Variants in SDK1 observed in about 807,000 individuals in gnomAD.
SDK1 encodes sidekick cell adhesion molecule 1.
SDK1 carries 157 observed loss-of-function variants against 245.5 expected under a neutral mutation model. The observed-to-expected ratio is 0.64, with a 90% CI of 0.56 to 0.73. The LOEUF is 0.73. Among genes scored for constraint, SDK1 ranks in the 30% least tolerant of loss-of-function variants. The pLI is 0.00. For missense variants in SDK1, 3,583 were observed against 3,002.3 expected (o/e 1.19, Z -4.52); for synonymous variants, 1,647 against 1,278.5 (o/e 1.29, Z -6.15).
chr7:3,475,538 C>T (rs183562832), intron 1 of SDK1, among the ~76,000 whole-genome samples: 4 of 152,298 alleles, frequency 2.6e-5, no homozygotes, highest in Admixed American at 6.5e-5. Context: ...TTTCCTCTAA[C>T]GTCTTTTCTA....
intron 4 of SDK1, among the ~76,000 whole-genome samples, chr7:3,741,183 G>C (rs1267045144): frequency 1.3e-5 from 2 of 152,218 alleles, no homozygotes; most frequent in Admixed American, 1.3e-4. Flanking sequence ...AAATATGTCA[G>C]AGAGCTTGCT....
chr7:4,032,216 C>A (rs1404287681), intron 17 of SDK1, among the ~76,000 whole-genome samples: 3 of 152,136 alleles, frequency 2.0e-5, no homozygotes, highest in Non-Finnish European at 4.4e-5. Flanking sequence ...TCCAACAGTA[C>A]ATTTAAAACA....
At chr7:3,468,319 C>T (rs1279926800) in intron 1 of SDK1, among the ~76,000 whole-genome samples, 2 of 152,110 alleles carry the variant, frequency 1.3e-5, no homozygotes, top group African/African-American at 2.4e-5. Context: ...TGTTGGGACT[C>T]AGAAAATATC....
In SDK1 at chr7:4,268,322, C is replaced by T; in HGVS notation, c.*2938C>T. The stretch of plus-strand genomic sequence containing the variant: ...GGGGTGCCAGGGCAGAGATTCCAGG[C>T]AGGTGAGCCCAGAGAGAGCTGCCAG... On this transcript the variant is annotated 3_prime_UTR_variant, in exon 45 of 45. Transcript: ENST00000404826. The T allele has an allele frequency of 1.9e-6, 2 of 1,030,240 alleles. No homozygotes were observed. The highest frequency in any genetic ancestry group is 1.2e-6 in the Non-Finnish European group (1 of 856,404). The allele number at this position is 1,030,240 out of a possible 1,614,324, so 63.8% of individuals were successfully genotyped here. A position where few individuals can be genotyped will look rare whatever the true frequency, so the allele number is the denominator to read the frequency against.
At chr7:3,713,878 C>T (rs374706637) in intron 4 of SDK1, among the ~76,000 whole-genome samples, 25 of 152,198 alleles carry the variant, frequency 1.6e-4, no homozygotes, top group African/African-American at 5.5e-4. Flanking sequence ...AAAACAAAAC[C>T]GAGAGTCAGG....
intron 8 of SDK1, among the ~76,000 whole-genome samples, chr7:3,959,962 G>A (rs1781549958): frequency 6.6e-6 from 1 of 152,122 alleles, no homozygotes; most frequent in African/African-American, 2.4e-5. Flanking sequence ...TGTCAAGGCA[G>A]TTTCGTTAAG....
At chr7:3,774,591 T>A (rs1025410849) in intron 4 of SDK1, among the ~76,000 whole-genome samples, 6 of 152,182 alleles carry the variant, frequency 3.9e-5, no homozygotes, top group Admixed American at 2.0e-4. Flanking sequence ...TTAAGTAGCC[T>A]CCAGAGTTCC....
intron 34 of SDK1, among the ~76,000 whole-genome samples, chr7:4,177,651 C>A (rs1267125502): frequency 6.6e-6 from 1 of 152,248 alleles, no homozygotes; most frequent in African/African-American, 2.4e-5. Context: ...ACCACTTTGA[C>A]ACCAGGGGTG....
chr7:3,973,579 T>A (rs1479437606), intron 12 of SDK1, among the ~76,000 whole-genome samples: 1 of 152,236 alleles, frequency 6.6e-6, no homozygotes, highest in Non-Finnish European at 1.5e-5. Context: ...GGTGATTTTT[T>A]TTTTCATGAG....
chr7:3,822,373 TATC>T (rs1395904586), intron 5 of SDK1, among the ~76,000 whole-genome samples: 2 of 152,178 alleles, frequency 1.3e-5, no homozygotes, highest in East Asian at 1.9e-4. Flanking sequence ...AAAATATTAT[TATC>T]ATATCATATG....
At chr7:4,248,251 T>C (rs112625248) in intron 44 of SDK1, among the ~76,000 whole-genome samples, 2,339 of 151,616 alleles carry the variant, frequency 0.015, 53 homozygotes, top group African/African-American at 0.053. Context: ...CATACCTAAA[T>C]AGAACACACA....
At position 3,734,286 on chromosome 7, in the gene SDK1, G is replaced by C. The variant is rs867256588; in HGVS notation, c.714-87164G>C. Among the ~76,000 whole-genome samples, 2 of 152,304 alleles carry C rather than the reference G, an allele frequency of 1.3e-5. 1 individual carries two copies. Among genetic ancestry groups the C allele is most frequent in the Middle Eastern group, 6.8e-3 (2 of 294 alleles). On this transcript the variant is annotated intron_variant, in intron 4 of 44. Transcript: ENST00000404826. ...CATAATTGGTGTTCTGGAAGAAATG[G>C]AAGGATGGATACATGAATTCTGTGA...
intron 1 of SDK1, among the ~76,000 whole-genome samples, chr7:3,394,595 A>G (rs2128571327): frequency 1.3e-5 from 2 of 150,564 alleles, no homozygotes; most frequent in East Asian, 3.9e-4. Flanking sequence ...TTTTGAATGT[A>G]TAGATCAATT....
intron 1 of SDK1, among the ~76,000 whole-genome samples, chr7:3,487,908 G>A (rs1279993297): frequency 6.6e-6 from 1 of 152,068 alleles, no homozygotes; most frequent in Non-Finnish European, 1.5e-5. Context: ...AAATAGGTAA[G>A]GTATTCAAGT....
In SDK1 at chr7:4,138,308, C is replaced by T. The variant is rs149210852; in HGVS notation, c.4228+5885C>T. Reference sequence around the variant, plus strand: ...CTACTTGGGTCCAGCGGCACTGCCACGCAGTGCACTATTAAACAGTCATTA... The same window carrying T: ...CTACTTGGGTCCAGCGGCACTGCCATGCAGTGCACTATTAAACAGTCATTA... On this transcript the variant is annotated intron_variant, in intron 28 of 44. Transcript: ENST00000404826. Among the ~76,000 whole-genome samples the T allele has an allele frequency of 9.4e-3, 1,435 of 152,258 alleles. 7 individuals carry two copies. The highest frequency in any genetic ancestry group is 0.017 in the Non-Finnish European group (1,132 of 68,034).
chr7:3,641,908 TC>T (rs1327165567), intron 3 of SDK1, 49 bp from the exon 4 acceptor site: 2 of 1,531,378 alleles, frequency 1.3e-6, no homozygotes, highest in Admixed American at 1.8e-5. Context: ...ACCCCTTCCC[TC>T]CCCCAAAAAT....
chr7:3,960,140 G>C (rs996158017), intron 8 of SDK1, among the ~76,000 whole-genome samples: 6 of 152,240 alleles, frequency 3.9e-5, no homozygotes, highest in Non-Finnish European at 8.8e-5. Context: ...CTAAAAGAGA[G>C]ATGATTTTCA....
At chr7:3,815,338 T>G in intron 4 of SDK1, among the ~76,000 whole-genome samples, 1 of 110,108 alleles carries the variant, frequency 9.1e-6, no homozygotes, top group Non-Finnish European at 1.8e-5. Context: ...TGTTGAATTT[T>G]GTCAAAGGCT....
intron 1 of SDK1, among the ~76,000 whole-genome samples, chr7:3,418,277 A>G (rs915709347): frequency 2.0e-5 from 3 of 152,208 alleles, no homozygotes; most frequent in Non-Finnish European, 4.4e-5. Flanking sequence ...AGATTGCGCC[A>G]TTGCACTCCA....
Sources: gnomAD v4.1 joint callset for allele counts (sites outside exome capture counted in the v4.1 genomes callset) on GRCh38, gnomAD v4.1.1 for gene constraint, MANE v1.5 for transcripts, NCBI Gene and HGNC (gene_info 2026-07-23, HGNC 2026-07-21) for gene names.